Variants in FBXW7 observed in about 807,000 individuals in gnomAD.
FBXW7 encodes F-box/WD repeat-containing protein 7.
Under a neutral mutation model 86.3 loss-of-function variants are expected in FBXW7, and 11 were observed. The observed-to-expected ratio is 0.13, with a 90% CI of 0.08 to 0.21. The LOEUF is 0.21. FBXW7 is among the 10% of genes least tolerant of loss of function. The probability of loss-of-function intolerance (pLI) is 1.00; values close to 1 mark genes in which losing one functional copy is unlikely to be tolerated. For synonymous variants in FBXW7, 313 were observed against 297.9 expected, an observed-to-expected ratio of 1.05 and a Z score of -0.52; for missense variants, 488 against 847.4, an observed-to-expected ratio of 0.58 and a Z score of 5.27.
chr4:152,501,074 T>C (rs1746902087), intron 2 of FBXW7, among the ~76,000 whole-genome samples: 1 of 152,188 alleles, frequency 6.6e-6, no homozygotes, highest in Non-Finnish European at 1.5e-5. Context: ...GCTTAAGACA[T>C]GCAGGAAGAC....
At chr4:152,448,022 AT>A (rs1191753006) in intron 2 of FBXW7, among the ~76,000 whole-genome samples, 1 of 152,262 alleles carries the variant, frequency 6.6e-6, no homozygotes, top group Non-Finnish European at 1.5e-5. Flanking sequence ...CTAAAATTTC[AT>A]GAAGGCATAC....
intron 2 of FBXW7, among the ~76,000 whole-genome samples, chr4:152,435,281 C>T (rs1740284017): frequency 6.6e-6 from 1 of 152,112 alleles, no homozygotes; most frequent in South Asian, 2.1e-4. Context: ...CTTCCTTGAT[C>T]CTTTCTTTAT....
chr4:152,350,528 T>C (rs1211793806), intron 4 of FBXW7, among the ~76,000 whole-genome samples: 1 of 151,806 alleles, frequency 6.6e-6, no homozygotes, highest in Non-Finnish European at 1.5e-5. Context: ...AAACATGTTT[T>C]TAATAAAGAT....
chr4:152,363,518 T>C (rs1733179183), intron 4 of FBXW7, among the ~76,000 whole-genome samples: 1 of 152,168 alleles, frequency 6.6e-6, no homozygotes, highest in Non-Finnish European at 1.5e-5. Context: ...TTTCAAGAAA[T>C]GCACATGGCA....
chr4:152,502,734 G>A (rs1409593142), intron 2 of FBXW7, among the ~76,000 whole-genome samples: 1 of 152,144 alleles, frequency 6.6e-6, no homozygotes, highest in Non-Finnish European at 1.5e-5. Flanking sequence ...AAGAAGGTAT[G>A]CTAGAAATTT....
At chr4:152,490,696 T>C (rs1745761135) in intron 2 of FBXW7, among the ~76,000 whole-genome samples, 1 of 152,106 alleles carries the variant, frequency 6.6e-6, no homozygotes, top group African/African-American at 2.4e-5. Flanking sequence ...AAATATGAAC[T>C]GGCAAAAATC....
chr4:152,523,959 T>A (rs978795024), intron 2 of FBXW7, among the ~76,000 whole-genome samples: 5 of 152,184 alleles, frequency 3.3e-5, no homozygotes, highest in Admixed American at 6.5e-5. Flanking sequence ...AAGGCAGTAT[T>A]CCAAATAGTA....
chr4:152,365,494 T>C lies in FBXW7; in HGVS notation c.502-15370A>G, dbSNP rs1733396637. Among the ~76,000 whole-genome samples the C allele has an allele frequency of 7.2e-5, 11 of 151,972 alleles. No homozygotes were observed. In the South Asian group the frequency reaches 2.3e-3, roughly 32 times the overall value. On this transcript the variant is annotated intron_variant, in intron 4 of 13. Coordinates refer to ENST00000281708, the MANE Select transcript of FBXW7 (RefSeq NM_001349798.2). The stretch of plus-strand genomic sequence containing the variant: ...TCGATTAGCTAGGTAGAAACAGAGA[T>C]GCATAGGAGTGGGCAGTTAAGAGAC...
chr4:152,333,284 T>A (rs773851476), intron 7 of FBXW7, among the ~76,000 whole-genome samples: 3 of 152,156 alleles, frequency 2.0e-5, no homozygotes, highest in Non-Finnish European at 4.4e-5. Context: ...AACCATTCCA[T>A]AGACATATAA....
chr4:152,434,254 G>T (rs1432986063), intron 2 of FBXW7, among the ~76,000 whole-genome samples: 1 of 152,156 alleles, frequency 6.6e-6, no homozygotes, highest in Non-Finnish European at 1.5e-5. Flanking sequence ...ATTATTTATT[G>T]TCTGTGTATA....
At chr4:152,325,917 C>T (rs1728973988) in intron 12 of FBXW7, 89 bp downstream of exon 12, 2 of 1,080,458 alleles carry the variant, frequency 1.9e-6, no homozygotes, top group East Asian at 2.4e-5. Context: ...TTGGACTGTA[C>T]TGGATCAGCA....
At chr4:152,532,006 G>T (rs1426061166) in intron 2 of FBXW7, among the ~76,000 whole-genome samples, 2 of 151,934 alleles carry the variant, frequency 1.3e-5, no homozygotes, top group Non-Finnish European at 2.9e-5. Flanking sequence ...ATCTATTTTA[G>T]GTAGTGTCTC....
Position 152,352,590 on chromosome 4 carries a change from T to C in FBXW7, c.502-2466A>G, listed in dbSNP as rs752784141. The C allele has an allele frequency of 1.9e-6, 3 of 1,613,746 alleles. No homozygotes were observed. The South Asian group carries it at 3.3e-5, about 18-fold the overall frequency. On this transcript the variant is annotated intron_variant, in intron 4 of 13. Transcript: ENST00000281708. ...GCAGTCTCTGACAATATAAACCTTTTTCAGGTAGGTATGTCACAGATTCTA... is the reference window on the plus strand; with the variant it reads ...GCAGTCTCTGACAATATAAACCTTTCTCAGGTAGGTATGTCACAGATTCTA...
chr4:152,476,743 G>T (rs1366727542), intron 2 of FBXW7, among the ~76,000 whole-genome samples: 1 of 152,090 alleles, frequency 6.6e-6, no homozygotes, highest in Non-Finnish European at 1.5e-5. Context: ...GAAATGAGCA[G>T]AAAATATTAT....
chr4:152,527,079 A>G (rs1432925756), intron 2 of FBXW7, among the ~76,000 whole-genome samples: 2 of 152,260 alleles, frequency 1.3e-5, no homozygotes, highest in African/African-American at 2.4e-5. Context: ...GTCAAATGCT[A>G]TATGCCAGGC....
chr4:152,337,685 G>A, intron 7 of FBXW7, 117 bp downstream of exon 7: 1 of 1,033,666 alleles, frequency 9.7e-7, no homozygotes. Flanking sequence ...CACTAATTAA[G>A]AGTGTCAAAC....
At chr4:152,522,720 T>C (rs1749138991) in intron 2 of FBXW7, among the ~76,000 whole-genome samples, 2 of 152,222 alleles carry the variant, frequency 1.3e-5, no homozygotes, top group Admixed American at 6.5e-5. Context: ...TAGATTGTTA[T>C]ATACTAAGCA....
At chr4:152,338,073 A>AT (rs1330398290) in intron 6 of FBXW7, 137 bp from the exon 7 acceptor site, 1 of 624,288 alleles carries the variant, frequency 1.6e-6, no homozygotes, top group Non-Finnish European at 2.4e-6. Context: ...TTATAGTGAC[A>AT]TTTTTTCCAC....
chr4:152,426,353 C>CTT (rs112116648), intron 2 of FBXW7, among the ~76,000 whole-genome samples: 5 of 143,188 alleles, frequency 3.5e-5, no homozygotes, highest in African/African-American at 1.0e-4. Flanking sequence ...TGGCTACAAA[C>CTT]TTTTTTTTTT....
Sources: gnomAD v4.1 joint callset for allele counts (sites outside exome capture counted in the v4.1 genomes callset) on GRCh38, gnomAD v4.1.1 for gene constraint, MANE v1.5 for transcripts, NCBI Gene and HGNC (gene_info 2026-07-23, HGNC 2026-07-21) for gene names.